Variants in MGAT5 observed in about 807,000 individuals in gnomAD.
MGAT5 encodes alpha-1,6-mannosylglycoprotein 6-beta-N-acetylglucosaminyltransferase A.
Under a neutral mutation model 94.3 loss-of-function variants are expected in MGAT5, and 30 were observed. The observed-to-expected ratio is 0.32, with a 90% CI of 0.24 to 0.43. The LOEUF is 0.43. Among genes scored for constraint, MGAT5 ranks in the 20% least tolerant of loss-of-function variants. The probability of loss-of-function intolerance (pLI) is 1.00; values close to 1 mark genes in which losing one functional copy is unlikely to be tolerated. For missense variants in MGAT5, 691 were observed against 905.5 expected (o/e 0.76, Z 3.04); for synonymous variants, 310 against 322.9 (o/e 0.96, Z 0.43).
rs763608726 is a variant in MGAT5, at chr2:134,264,017, G to GTTTTT, written c.242-6351_242-6347dup. ...ATACTGCATTTCCTTATGCCATTAGGTTTTTTTTTTTTTTTTTTTTTTGAG... is the reference window on the plus strand; with the variant it reads ...ATACTGCATTTCCTTATGCCATTAGGTTTTTTTTTTTTTTTTTTTTTTTTTTTGAG... On this transcript the variant is annotated intron_variant, in intron 1 of 15. Transcript: ENST00000281923. 6.9e-3 allele frequency among the ~76,000 whole-genome samples: 753 copies of GTTTTT among 108,786 alleles called. 39 individuals carry two copies. The highest frequency in any genetic ancestry group is 0.021 in the African/African-American group (542 of 25,746). 71.4% of individuals were successfully genotyped at this position (108,786 alleles called of 152,430 possible).
At chr2:134,156,159 T>A (rs950653862) in intron 1 of MGAT5, among the ~76,000 whole-genome samples, 9 of 152,210 alleles carry the variant, frequency 5.9e-5, no homozygotes, top group African/African-American at 7.2e-5. Flanking sequence ...GCTCAGCTTG[T>A]GCGCTTCTGC....
At chr2:134,361,895 C>T (rs954404437) in intron 9 of MGAT5, among the ~76,000 whole-genome samples, 5 of 152,174 alleles carry the variant, frequency 3.3e-5, no homozygotes, top group African/African-American at 1.2e-4. Flanking sequence ...CCCAGTCAGC[C>T]CTGCCCCCTA....
At chr2:134,398,081 TC>T (rs1682820858) in intron 10 of MGAT5, among the ~76,000 whole-genome samples, 4 of 152,194 alleles carry the variant, frequency 2.6e-5, no homozygotes, top group Admixed American at 2.0e-4. Flanking sequence ...GTATCCCTTA[TC>T]CAAAATTCTT....
At chr2:134,156,185 G>A (rs11900787) in intron 1 of MGAT5, among the ~76,000 whole-genome samples, 98,005 of 152,040 alleles carry the variant, frequency 0.64, 32,802 homozygotes, top group African/African-American at 0.84. Flanking sequence ...CCGCCGGTCT[G>A]TGCATGAGAT....
At chr2:134,255,518 TAC>T (rs954176555) in intron 1 of MGAT5, among the ~76,000 whole-genome samples, 2 of 150,682 alleles carry the variant, frequency 1.3e-5, no homozygotes, top group African/African-American at 2.4e-5. Context: ...CATATATATA[TAC>T]ACACACATAT....
chr2:134,272,483 A>G (rs533011892), intron 2 of MGAT5, among the ~76,000 whole-genome samples: 1 of 152,200 alleles, frequency 6.6e-6, no homozygotes, highest in South Asian at 2.1e-4. Flanking sequence ...AGTCCATACC[A>G]TCATAATTTT....
intron 12 of MGAT5, among the ~76,000 whole-genome samples, chr2:134,418,663 C>A (rs1684108497): frequency 6.6e-6 from 1 of 152,100 alleles, no homozygotes; most frequent in African/African-American, 2.4e-5. Flanking sequence ...GGGGAGTGAA[C>A]TTGGAGTTGT....
intron 1 of MGAT5, among the ~76,000 whole-genome samples, chr2:134,130,222 A>G (rs1363931770): frequency 5.5e-5 from 2 of 36,628 alleles, no homozygotes; most frequent in African/African-American, 2.1e-4. Flanking sequence ...ACACCGCCCC[A>G]CACCGCCCCA....
At chr2:134,304,719 T>C (rs1686226880) in intron 2 of MGAT5, among the ~76,000 whole-genome samples, 1 of 152,152 alleles carries the variant, frequency 6.6e-6, no homozygotes, top group South Asian at 2.1e-4. Flanking sequence ...CCGGGAGAAG[T>C]TCTAAGGAAT....
intron 10 of MGAT5, among the ~76,000 whole-genome samples, chr2:134,385,418 A>G (rs564012908): frequency 5.9e-5 from 9 of 152,362 alleles, no homozygotes; most frequent in Non-Finnish European, 8.8e-5. Context: ...TCAAGACAGC[A>G]TGTATATACC....
At chr2:134,273,535 T>C (rs952618634) in intron 2 of MGAT5, among the ~76,000 whole-genome samples, 2 of 152,140 alleles carry the variant, frequency 1.3e-5, no homozygotes, top group African/African-American at 2.4e-5. Context: ...TAATATATCT[T>C]CTGGTTGGCT....
chr2:134,140,778 G>A (rs1214222310), intron 1 of MGAT5, among the ~76,000 whole-genome samples: 1 of 152,154 alleles, frequency 6.6e-6, no homozygotes, highest in African/African-American at 2.4e-5. Context: ...GGAAAAAAAA[G>A]TGCTAGCTGG....
intron 1 of MGAT5, among the ~76,000 whole-genome samples, chr2:134,135,564 T>C (rs1686364713): frequency 6.6e-6 from 1 of 151,516 alleles, no homozygotes; most frequent in Non-Finnish European, 1.5e-5. Context: ...TAGTGGTACG[T>C]GCCTGTAGTC....
At chr2:134,321,549 G>A (rs1687322717) in intron 4 of MGAT5, among the ~76,000 whole-genome samples, 1 of 152,160 alleles carries the variant, frequency 6.6e-6, no homozygotes, top group Non-Finnish European at 1.5e-5. Context: ...GAAGTAGAGA[G>A]GAATACGGGA....
At chr2:134,418,608 A>G (rs922014382) in intron 12 of MGAT5, among the ~76,000 whole-genome samples, 2 of 152,248 alleles carry the variant, frequency 1.3e-5, no homozygotes, top group African/African-American at 4.8e-5. Flanking sequence ...GGACAAATGC[A>G]TAATCAGTGG....
At chr2:134,243,849 GA>G (rs2105456274) in intron 1 of MGAT5, among the ~76,000 whole-genome samples, 1 of 152,328 alleles carries the variant, frequency 6.6e-6, no homozygotes, top group South Asian at 2.1e-4. Flanking sequence ...AGGTGGAGGA[GA>G]GGGGTACTAG....
At chr2:134,240,473 A>G (rs1573592409) in intron 1 of MGAT5, among the ~76,000 whole-genome samples, 1 of 152,050 alleles carries the variant, frequency 6.6e-6, no homozygotes, top group South Asian at 2.1e-4. Context: ...ATTTATTAAG[A>G]GCTTGGATAT....
At chr2:134,267,090 T>C (rs1683764391) in intron 1 of MGAT5, among the ~76,000 whole-genome samples, 2 of 151,884 alleles carry the variant, frequency 1.3e-5, no homozygotes, top group Admixed American at 6.6e-5. Context: ...TTAAGAGTGA[T>C]TGGTATATGT....
At chr2:134,252,158 G>A (rs2105499950), upstream of MGAT5, among the ~76,000 whole-genome samples, 1 of 152,326 alleles carries the variant, frequency 6.6e-6, no homozygotes, top group East Asian at 1.9e-4. Flanking sequence ...TGGGGAAAGT[G>A]GTCTGAGGCA....
Sources: gnomAD v4.1 joint callset for allele counts (sites outside exome capture counted in the v4.1 genomes callset) on GRCh38, gnomAD v4.1.1 for gene constraint, MANE v1.5 for transcripts, NCBI Gene and HGNC (gene_info 2026-07-23, HGNC 2026-07-21) for gene names.